Variants in RPS6KC1 observed in about 807,000 individuals in gnomAD.
RPS6KC1 encodes ribosomal protein S6 kinase C1.
A neutral mutation model predicts 103.8 loss-of-function variants in RPS6KC1; 54 were observed. The observed-to-expected ratio is 0.52, with a 90% CI of 0.42 to 0.65. The LOEUF is 0.65. Ranked by LOEUF, RPS6KC1 falls within the 30% of genes least tolerant of loss-of-function variation. The pLI, the probability that RPS6KC1 is intolerant of heterozygous loss-of-function variation, is 0.00. For missense variants in RPS6KC1, 1,151 were observed against 1,253.8 expected (o/e 0.92, Z 1.24); for synonymous variants, 439 against 438.7 (o/e 1.00, Z -0.01).
At chr1:213,217,432 C>T (rs1195738075) in intron 8 of RPS6KC1, among the ~76,000 whole-genome samples, 1 of 152,222 alleles carries the variant, frequency 6.6e-6, no homozygotes, top group Non-Finnish European at 1.5e-5. Flanking sequence ...CAGCCGAATT[C>T]TACCAGAGGT....
At chr1:213,163,032 C>T (rs906791602) in intron 6 of RPS6KC1, among the ~76,000 whole-genome samples, 42 of 152,110 alleles carry the variant, frequency 2.8e-4, no homozygotes, top group African/African-American at 9.7e-4. Flanking sequence ...CTCAAGGTTG[C>T]CTTTTGTTGT....
rs1210730755 is a variant in RPS6KC1, at chr1:213,272,995, A to C, written c.*361A>C. Reference sequence around the variant, plus strand: ...TTTTACTTGACAGAAGGACCTTTACATGGCAGCTAACAGTGCTTTTTGCTG... The same window carrying C: ...TTTTACTTGACAGAAGGACCTTTACCTGGCAGCTAACAGTGCTTTTTGCTG... On this transcript the variant is annotated 3_prime_UTR_variant, in exon 15 of 15. Transcript: ENST00000366960. 1 of 172,366 alleles carries C rather than the reference A, an allele frequency of 5.8e-6. No individual in the cohort carries two copies. Among genetic ancestry groups the C allele is most frequent in the Non-Finnish European group, 1.3e-5 (1 of 79,042 alleles). The allele number at this position is 172,366 out of a possible 1,614,324, so 10.7% of individuals were successfully genotyped here. A position where few individuals can be genotyped will look rare whatever the true frequency, so the allele number is the denominator to read the frequency against.
the RPS6KC1 span, among the ~76,000 whole-genome samples, chr1:213,536,813 AGAGGCT>A: frequency 6.6e-6 from 1 of 152,198 alleles, no homozygotes; most frequent in Non-Finnish European, 1.5e-5. Flanking sequence ...ACCAGGTTCA[AGAGGCT>A]GAAGAAAAGA....
the RPS6KC1 span, among the ~76,000 whole-genome samples, chr1:213,701,790 G>A: frequency 6.6e-6 from 1 of 151,840 alleles, no homozygotes; most frequent in South Asian, 2.1e-4. Flanking sequence ...TTATTTATTA[G>A]AGTCTTCTCA....
chr1:213,367,295 T>C, the RPS6KC1 span, among the ~76,000 whole-genome samples: 48 of 152,356 alleles, frequency 3.2e-4, no homozygotes, highest in African/African-American at 1.0e-3. Flanking sequence ...TGACTGAGAC[T>C]TTTAAGTCCT....
chr1:213,561,547 A>T, the RPS6KC1 span, among the ~76,000 whole-genome samples: 6 of 152,346 alleles, frequency 3.9e-5, no homozygotes, highest in South Asian at 8.3e-4. Context: ...AAGGGATGCT[A>T]GGTGTGTGCA....
chr1:213,531,650 C>G, the RPS6KC1 span, among the ~76,000 whole-genome samples: 4 of 152,114 alleles, frequency 2.6e-5, no homozygotes, highest in Non-Finnish European at 4.4e-5. Flanking sequence ...GAAGCGGAAG[C>G]CTCCTGATGA....
chr1:213,458,170 T>G, the RPS6KC1 span, among the ~76,000 whole-genome samples: 1 of 152,110 alleles, frequency 6.6e-6, no homozygotes, highest in Non-Finnish European at 1.5e-5. Context: ...CCTCTACAAG[T>G]CACTAGTATC....
chr1:213,230,457 T>G (rs1372100689), intron 8 of RPS6KC1, 40 bp from the exon 9 acceptor site: 1 of 1,443,210 alleles, frequency 6.9e-7, no homozygotes, highest in East Asian at 2.3e-5. Flanking sequence ...TAATGTTTCA[T>G]TGTATTGTTA....
At chr1:213,706,848 T>G in the RPS6KC1 span, among the ~76,000 whole-genome samples, 4 of 152,174 alleles carry the variant, frequency 2.6e-5, no homozygotes, top group Non-Finnish European at 5.9e-5. Flanking sequence ...GGTTTCCAGC[T>G]TCATCCATGT....
intron 6 of RPS6KC1, among the ~76,000 whole-genome samples, chr1:213,136,660 G>A (rs768932553): frequency 4.0e-5 from 6 of 151,776 alleles, no homozygotes; most frequent in Middle Eastern, 3.2e-3. Context: ...AACTTTTAAC[G>A]GAAGTATATT....
chr1:213,405,473 C>T, the RPS6KC1 span, among the ~76,000 whole-genome samples: 1 of 152,170 alleles, frequency 6.6e-6, no homozygotes, highest in Non-Finnish European at 1.5e-5. Flanking sequence ...TCTCTGAGGA[C>T]AGGAGTCAGT....
At chr1:213,735,344 A>G in the RPS6KC1 span, among the ~76,000 whole-genome samples, 1 of 152,170 alleles carries the variant, frequency 6.6e-6, no homozygotes, top group Non-Finnish European at 1.5e-5. Context: ...GTTCAGTCTA[A>G]GGTGTATGGT....
the RPS6KC1 span, among the ~76,000 whole-genome samples, chr1:213,549,204 C>A: frequency 2.0e-5 from 3 of 152,118 alleles, no homozygotes; most frequent in African/African-American, 4.8e-5. Context: ...TGGGGCATGA[C>A]CTCTGGGGTG....
chr1:213,518,521 T>C, the RPS6KC1 span, among the ~76,000 whole-genome samples: 2 of 152,222 alleles, frequency 1.3e-5, no homozygotes, highest in Non-Finnish European at 2.9e-5. Flanking sequence ...CCTGACCTGC[T>C]GACACCTTGA....
chr1:213,814,683 GC>G, the RPS6KC1 span, among the ~76,000 whole-genome samples: 1 of 152,154 alleles, frequency 6.6e-6, no homozygotes, highest in African/African-American at 2.4e-5. Context: ...GGCTTTACAT[GC>G]ATTAACTCAT....
At chr1:213,509,930 T>A in the RPS6KC1 span, among the ~76,000 whole-genome samples, 1 of 152,208 alleles carries the variant, frequency 6.6e-6, no homozygotes, top group East Asian at 1.9e-4. Flanking sequence ...TGAAGATGAA[T>A]GTCAGTAAGT....
chr1:213,348,424 G>T, the RPS6KC1 span, among the ~76,000 whole-genome samples: 1 of 152,176 alleles, frequency 6.6e-6, no homozygotes, highest in Admixed American at 6.5e-5. Context: ...GAAACATAGA[G>T]AAGTCTTTCA....
chr1:213,191,281 A>C (rs913943392), intron 8 of RPS6KC1, among the ~76,000 whole-genome samples: 3 of 152,162 alleles, frequency 2.0e-5, no homozygotes, highest in Non-Finnish European at 4.4e-5. Flanking sequence ...TGAACATGGA[A>C]TATCTTTCCC....
Sources: gnomAD v4.1 joint callset for allele counts (sites outside exome capture counted in the v4.1 genomes callset) on GRCh38, gnomAD v4.1.1 for gene constraint, MANE v1.5 for transcripts, NCBI Gene and HGNC (gene_info 2026-07-23, HGNC 2026-07-21) for gene names.